The following FRMD3 variants were observed in gnomAD, a reference collection of about 807,000 sequenced individuals.
FRMD3 encodes the protein FERM domain-containing protein 3.
A neutral mutation model predicts 70.2 loss-of-function variants in FRMD3; 33 were observed. That is an observed-to-expected ratio of 0.47 (90% CI 0.36 to 0.63). The LOEUF (loss-of-function observed/expected upper bound fraction) is 0.63, where lower values mean the gene tolerates loss of function less well. Among genes scored for constraint, FRMD3 ranks in the 20% least tolerant of loss-of-function variants. FRMD3 has a pLI of 0.00. For synonymous variants in FRMD3, 279 were observed against 255.9 expected, an observed-to-expected ratio of 1.09 and a Z score of -0.86; for missense variants, 632 against 711.4, an observed-to-expected ratio of 0.89 and a Z score of 1.27.
At chr9:83,526,482 G>T (rs117416119) in intron 1 of FRMD3, among the ~76,000 whole-genome samples, 1 of 152,162 alleles carries the variant, frequency 6.6e-6, no homozygotes, top group Non-Finnish European at 1.5e-5. Flanking sequence ...CACTTTACTT[G>T]TAATGCCCTT....
At chr9:83,560,127 G>C in the FRMD3 span, among the ~76,000 whole-genome samples, 652 of 152,284 alleles carry the variant, frequency 4.3e-3, 6 homozygotes, top group African/African-American at 0.015. Context: ...TTATGGTTCT[G>C]GATTATTCAT....
the FRMD3 span, among the ~76,000 whole-genome samples, chr9:83,552,601 T>G: frequency 6.6e-6 from 1 of 152,132 alleles, no homozygotes; most frequent in Admixed American, 6.5e-5. Flanking sequence ...CGGGAGTCTC[T>G]GTATCTTTGT....
chr9:83,344,644 G>A (rs768937835), intron 4 of FRMD3, among the ~76,000 whole-genome samples: 2 of 149,180 alleles, frequency 1.3e-5, no homozygotes, highest in Non-Finnish European at 3.0e-5. Context: ...ACTTGGATTG[G>A]AATCTACACC....
chr9:83,443,934 C>T (rs1030088830), intron 1 of FRMD3, among the ~76,000 whole-genome samples: 2 of 152,176 alleles, frequency 1.3e-5, no homozygotes, highest in Admixed American at 6.5e-5. Flanking sequence ...GACCACTGTG[C>T]TCTTTTTAAT....
At chr9:83,559,421 A>T in the FRMD3 span, among the ~76,000 whole-genome samples, 1 of 152,226 alleles carries the variant, frequency 6.6e-6, no homozygotes, top group South Asian at 2.1e-4. Flanking sequence ...TTCTGTAAAC[A>T]TAACTTTCAT....
the FRMD3 span, among the ~76,000 whole-genome samples, chr9:83,555,962 C>T: frequency 6.6e-6 from 1 of 152,198 alleles, no homozygotes; most frequent in African/African-American, 2.4e-5. Flanking sequence ...CTCCATGTTG[C>T]TCCCAGGTGA....
chr9:83,535,969 A>G (rs1230176457), intron 1 of FRMD3, among the ~76,000 whole-genome samples: 1 of 152,210 alleles, frequency 6.6e-6, no homozygotes, highest in African/African-American at 2.4e-5. Context: ...GCAAATGGGA[A>G]GTCTTTGTTA....
chr9:83,559,006 T>C, the FRMD3 span, among the ~76,000 whole-genome samples: 6 of 152,350 alleles, frequency 3.9e-5, 1 homozygote, highest in Admixed American at 6.5e-5. Flanking sequence ...ATGCTTGATA[T>C]GGACTTTACT....
Position 83,285,089 on chromosome 9 carries a change from C to T in FRMD3, c.1195+5514G>A, listed in dbSNP as rs150947524. ...CGAAATGCCTTTGCGTGTTCACACACAGACTTTCTAGAATTTCAGTGAAAC... is the reference window on the plus strand; with the variant it reads ...CGAAATGCCTTTGCGTGTTCACACATAGACTTTCTAGAATTTCAGTGAAAC... On this transcript the variant is annotated intron_variant, in intron 13 of 13. Transcript: ENST00000304195. Among the ~76,000 whole-genome samples, 3 of 152,334 alleles carry T rather than the reference C, an allele frequency of 2.0e-5. No individual in the cohort carries two copies. In the East Asian group the frequency reaches 5.8e-4, roughly 29 times the overall value.
chr9:83,420,810 A>G (rs1271474125), intron 1 of FRMD3, among the ~76,000 whole-genome samples: 3 of 152,014 alleles, frequency 2.0e-5, no homozygotes, highest in Non-Finnish European at 4.4e-5. Context: ...CTGTCTCACC[A>G]TGTGATGTCA....
rs568179955 is a variant in FRMD3 at position 83,311,861 on chromosome 9, A to G, written c.773+26T>C. 1.1e-5 allele frequency: 17 copies of G among 1,502,964 alleles called. No homozygotes were observed. In the African/African-American group the frequency reaches 2.3e-4, roughly 21 times the overall value. 93.1% of individuals were successfully genotyped at this position (1,502,964 alleles called of 1,614,324 possible). A position where few individuals can be genotyped will look rare whatever the true frequency, so the allele number is the denominator to read the frequency against. ...GGAATCAAGATTAAGAAAAATGGAA[A>G]GCCAGTTTTCCAAAGAGGCACTTAC... On this transcript the variant is annotated intron_variant, in intron 8 of 13. Transcript: ENST00000304195.
chr9:83,299,184 T>C lies in FRMD3; in HGVS notation c.929A>G (p.Tyr310Cys), dbSNP rs761877197. Reference protein sequence around the residue: ...CGVENQAFYKYAKSSQIKTVS... With the variant: ...CGVENQAFYKCAKSSQIKTVS... ...AGTCTTGATCTGACTGGATTTTGCA[T>C]ACCTTTAAGAAAAAGCAAAGCACAG... is the stretch of plus-strand genomic sequence containing the variant. Residue 310 changes from tyrosine (Y) to cysteine (C), a missense_variant and splice_region_variant, in exon 11 of 14, where the codon TAT (tyrosine) becomes TGT (cysteine). Tyr to Cys is a radical substitution (Grantham distance 194, BLOSUM62 -2). This residue lies in a region of FRMD3 where 418 missense variants were observed against 442.1 expected (regional missense o/e 0.95). Transcript: ENST00000304195. The C allele has an allele frequency of 4.3e-6, 7 of 1,609,708 alleles. No homozygotes were observed. In the East Asian group the frequency reaches 1.1e-4, roughly 26 times the overall value.
In FRMD3 at chr9:83,355,851, G is replaced by A. The variant is rs1183558099; in HGVS notation, c.296-6094C>T. ...AGCATACCACCAGAGTAGCAGAGAAGGGGGAAAAAGTGAAATCCACTTTGA... is the reference window on the plus strand; with the variant it reads ...AGCATACCACCAGAGTAGCAGAGAAAGGGGAAAAAGTGAAATCCACTTTGA... On this transcript the variant is annotated intron_variant, in intron 3 of 13. Transcript: ENST00000304195. Among the ~76,000 whole-genome samples the A allele has an allele frequency of 4.6e-5, 7 of 152,306 alleles. No individual in the cohort carries two copies. In the East Asian group the frequency reaches 1.3e-3, roughly 29 times the overall value.
chr9:83,313,760 A>C lies in FRMD3; in HGVS notation c.597-13T>G. On this transcript the variant is annotated splice_polypyrimidine_tract_variant and intron_variant, in intron 6 of 13. Transcript: ENST00000304195. The stretch of plus-strand genomic sequence containing the variant: ...TGGGCTCTGCCCCCTAAAATCACAC[A>C]AGAAAAGTTGAGGCAGTTAAAATGG... 4 of 1,606,532 alleles carry C rather than the reference A, an allele frequency of 2.5e-6. No homozygotes were observed. The highest frequency in any genetic ancestry group is 3.4e-6 in the Non-Finnish European group (4 of 1,173,110).
chr9:83,362,803 T>TCC (rs1564035869), intron 3 of FRMD3, among the ~76,000 whole-genome samples: 2 of 65,518 alleles, frequency 3.1e-5, no homozygotes, highest in African/African-American at 1.6e-4. Flanking sequence ...TTCCTTCCTT[T>TCC]TTCCTTCCTT....
intron 1 of FRMD3, among the ~76,000 whole-genome samples, chr9:83,483,092 C>T (rs1485563230): frequency 6.6e-6 from 1 of 152,132 alleles, no homozygotes; most frequent in Admixed American, 6.6e-5. Context: ...ATTGTAATCC[C>T]CACGTGTTGG....
chr9:83,500,502 G>GCA (rs3084172), intron 1 of FRMD3, among the ~76,000 whole-genome samples: 5,452 of 143,700 alleles, frequency 0.038, 188 homozygotes, highest in African/African-American at 0.093. Context: ...GTGTATGCGC[G>GCA]CACACACACA....
intron 1 of FRMD3, among the ~76,000 whole-genome samples, chr9:83,417,258 T>G (rs114880559): frequency 0.011 from 1,684 of 152,316 alleles, 35 homozygotes; most frequent in African/African-American, 0.038. Flanking sequence ...TGATCCAGTA[T>G]ATGTGCCAAG....
chr9:83,570,968 T>C, the FRMD3 span, among the ~76,000 whole-genome samples: 1 of 152,242 alleles, frequency 6.6e-6, no homozygotes, highest in East Asian at 1.9e-4. Context: ...CTCTGCTATG[T>C]TTTGGATTTA....
Sources: gnomAD v4.1 joint callset for allele counts (sites outside exome capture counted in the v4.1 genomes callset) on GRCh38, gnomAD v4.1.1 for gene constraint, gnomAD v4.1.1 regional missense constraint, MANE v1.5 for transcripts, NCBI Gene and HGNC (gene_info 2026-07-23, HGNC 2026-07-21) for gene names.